Variants in DDB1 observed in about 807,000 individuals in gnomAD.
DDB1 encodes DNA damage-binding protein 1.
A neutral mutation model predicts 133.1 loss-of-function variants in DDB1; 18 were observed. That is an observed-to-expected ratio of 0.14 (90% CI 0.09 to 0.20). The LOEUF (loss-of-function observed/expected upper bound fraction) is 0.20, where lower values mean the gene tolerates loss of function less well. Among genes scored for constraint, DDB1 ranks in the 10% least tolerant of loss-of-function variants. The probability of loss-of-function intolerance (pLI) is 1.00; values close to 1 mark genes in which losing one functional copy is unlikely to be tolerated. For missense variants in DDB1, 828 were observed against 1,459.2 expected, an observed-to-expected ratio of 0.57 and a Z score of 7.05; for synonymous variants, 580 against 550.5, an observed-to-expected ratio of 1.05 and a Z score of -0.75.
intron 26 of DDB1, 71 bp from the exon 27 acceptor site, chr11:61,300,290 C>CTCCTTCACTGGGGGCATT: frequency 1.3e-6 from 2 of 1,486,568 alleles, no homozygotes; most frequent in Non-Finnish European, 1.9e-6. Context: ...AAGGGAATGC[C>CTCCTTCACTGGGGGCATT]CCCAGTGAAG....
rs370249924 is a variant in DDB1 at position 61,313,842 on chromosome 11, A to G, written c.1861+20T>C. ...TACTCTATTTTTGAAAGAGTCCCTC[A>G]CTCAAAATACTACTCTCACCTGTCT... On this transcript the variant is annotated intron_variant, in intron 15 of 26. Transcript: ENST00000301764. 1.7e-5 allele frequency: 28 copies of G among 1,611,872 alleles called. No homozygotes were observed. The highest frequency in any genetic ancestry group is 2.1e-5 in the Non-Finnish European group (25 of 1,178,160).
intron 21 of DDB1, among the ~76,000 whole-genome samples, chr11:61,304,957 C>T (rs903519797): frequency 9.2e-5 from 14 of 152,088 alleles, no homozygotes; most frequent in African/African-American, 3.1e-4. Context: ...AACCACATCT[C>T]CAAAAGAATG....
intron 22 of DDB1, among the ~76,000 whole-genome samples, chr11:61,303,614 G>C (rs1270500962): frequency 6.9e-6 from 1 of 145,330 alleles, no homozygotes; most frequent in Non-Finnish European, 1.5e-5. Context: ...TGAGGCAGGA[G>C]AATGGCGTGA....
chr11:61,306,134 G>A (rs1329050850), intron 21 of DDB1, among the ~76,000 whole-genome samples: 1 of 149,932 alleles, frequency 6.7e-6, no homozygotes. Flanking sequence ...GACCTCAAAT[G>A]CCACCCTCCA....
chr11:61,320,313 G>A (rs948683988), intron 10 of DDB1, among the ~76,000 whole-genome samples: 2 of 151,524 alleles, frequency 1.3e-5, no homozygotes, highest in Admixed American at 6.6e-5. Flanking sequence ...TGCCTCTCCC[G>A]TCTCAGCCTC....
At chr11:61,321,730 C>A (rs781664534) in intron 9 of DDB1, 33 bp from the exon 10 acceptor site, 2 of 1,586,128 alleles carry the variant, frequency 1.3e-6, no homozygotes, top group Non-Finnish European at 8.7e-7. Context: ...TAAAGAACCC[C>A]CTCAAGATAC....
chr11:61,311,871 G>C lies in DDB1; in HGVS notation c.2190C>G (p.Ser730=). ...GGCTGGAGAGGACCCCGAAACACTG[G>C]GACACTTCCTGGTAGCAGATCTTCC... The part of the protein sequence containing the change: ...SPRKICYQEV[S]QCFGVLSSRI... Residue 730 remains serine (S), a synonymous_variant, in exon 18 of 27, where the codon TCC becomes TCG. Transcript: ENST00000301764. 1 of 1,614,086 alleles carries C rather than the reference G, an allele frequency of 6.2e-7. No homozygotes were observed. The highest frequency in any genetic ancestry group is 8.5e-7 in the Non-Finnish European group (1 of 1,180,014).
In DDB1 at chr11:61,302,319, C is replaced by G. The variant is rs779439822; in HGVS notation, c.3153G>C (p.Leu1051=). ...TSLSESWYNL[L]LDMQNRLNKV... ...TATTGAGTCGATTCTGCATGTCCAG[C>G]AGGAGGTTGTACCAGCTCTCTGACA... Residue 1051 remains leucine, a synonymous_variant, in exon 25 of 27, where the codon CTG becomes CTC. Transcript: ENST00000301764. 1 of 1,614,204 alleles carries G rather than the reference C, an allele frequency of 6.2e-7. No individual in the cohort carries two copies. The highest frequency in any genetic ancestry group is 8.5e-7 in the Non-Finnish European group (1 of 1,180,026).
chr11:61,329,189 C>A (rs1856320740), intron 4 of DDB1, 174 bp downstream of exon 4: 4 of 608,906 alleles, frequency 6.6e-6, no homozygotes, highest in Non-Finnish European at 1.2e-5. Flanking sequence ...AGTACTACTG[C>A]ACTCAAGAAG....
intron 12 of DDB1, chr11:61,315,644 G>A (rs1004320962): frequency 6.6e-6 from 1 of 152,434 alleles, no homozygotes; most frequent in African/African-American, 2.4e-5. Context: ...CAGCTCAGAA[G>A]GTAAGGAGAG....
At chr11:61,314,535 C>A in intron 12 of DDB1, 49 bp from the exon 13 acceptor site, 1 of 1,556,732 alleles carries the variant, frequency 6.4e-7, no homozygotes, top group Middle Eastern at 1.9e-4. Context: ...TGCCAGGGTC[C>A]ACACAGGAGT....
chr11:61,321,440 T>A, intron 10 of DDB1, 155 bp downstream of exon 10: 1 of 537,082 alleles, frequency 1.9e-6, no homozygotes, highest in Non-Finnish European at 3.3e-6. Context: ...ACTTTTATAC[T>A]TTCAGATATG....
intron 9 of DDB1, 112 bp downstream of exon 9, chr11:61,322,184 G>C (rs951375907): frequency 8.4e-6 from 7 of 837,826 alleles, no homozygotes; most frequent in Admixed American, 2.0e-5. Flanking sequence ...GATTCATGAG[G>C]GGGCTCTTAA....
intron 19 of DDB1, 34 bp downstream of exon 19, chr11:61,310,261 G>A (rs28720327): frequency 5.0e-5 from 79 of 1,591,664 alleles, no homozygotes; most frequent in Admixed American, 2.8e-4. Context: ...TAGGGAGGGC[G>A]TAGATAAAAA....
rs533070053 is a variant in DDB1 at position 61,303,334 on chromosome 11, T to G, written c.2833-179A>C. On this transcript the variant is annotated intron_variant, in intron 22 of 26. Transcript: ENST00000301764. Reference sequence around the variant, plus strand: ...CCGACCTCTCTGCCAACGCAGCCCATTTGGTTGCCAACTGCCCAGAGATGG... The same window carrying G: ...CCGACCTCTCTGCCAACGCAGCCCAGTTGGTTGCCAACTGCCCAGAGATGG... The G allele has an allele frequency of 3.3e-4, 192 of 573,298 alleles. 1 individual carries two copies. Among genetic ancestry groups the G allele is most frequent in the African/African-American group, 3.3e-3 (174 of 52,982 alleles). 35.5% of individuals were successfully genotyped at this position (573,298 alleles called of 1,614,324 possible).
intron 21 of DDB1, among the ~76,000 whole-genome samples, chr11:61,308,354 C>T (rs140846894): frequency 6.6e-6 from 1 of 152,144 alleles, no homozygotes; most frequent in African/African-American, 2.4e-5. Flanking sequence ...AAGACCCTCC[C>T]GACCATGTGA....
At chr11:61,321,777 G>T in intron 9 of DDB1, 80 bp from the exon 10 acceptor site, 1 of 1,244,044 alleles carries the variant, frequency 8.0e-7, no homozygotes, top group Non-Finnish European at 1.2e-6. Flanking sequence ...AGTAAACACG[G>T]TATACCTAAA....
rs1856013807 is a variant in DDB1, at chr11:61,313,630, G to C, written c.1938C>G (p.Thr646=). 1 of 1,614,116 alleles carries C rather than the reference G, an allele frequency of 6.2e-7. No individual in the cohort carries two copies. The highest frequency in any genetic ancestry group is 8.5e-7 in the Non-Finnish European group (1 of 1,180,030). The part of the protein sequence containing the change: ...TVLRTFRSLS[T]TNVFACSDRP... ...GGTCAGAACAAGCAAAGACGTTGGT[G>C]GTAGAAAGAGAACGAAAAGTCCTCA... Residue 646 remains threonine (T), a synonymous_variant, in exon 16 of 27, where the codon ACC becomes ACG. Transcript: ENST00000301764.
chr11:61,309,989 G>T (rs772991152), intron 19 of DDB1, 29 bp from the exon 20 acceptor site: 2 of 1,614,126 alleles, frequency 1.2e-6, no homozygotes, highest in South Asian at 2.2e-5. Context: ...ACTACGTGAT[G>T]ACAGGTTACC....
Sources: gnomAD v4.1 joint callset for allele counts (sites outside exome capture counted in the v4.1 genomes callset) on GRCh38, gnomAD v4.1.1 for gene constraint, MANE v1.5 for transcripts, NCBI Gene and HGNC (gene_info 2026-07-23, HGNC 2026-07-21) for gene names.